Variants in SV2C observed in about 807,000 individuals in gnomAD.
SV2C encodes the protein solute carrier family 22 member B3.
Under a neutral mutation model 79.7 loss-of-function variants are expected in SV2C, and 49 were observed. The ratio of observed to expected loss-of-function variants is 0.61; its 90% CI spans 0.49 to 0.78. SV2C has a LOEUF of 0.78. Among genes scored for constraint, SV2C ranks in the 30% least tolerant of loss-of-function variants. SV2C has a pLI of 0.00. For synonymous variants in SV2C, 334 were observed against 333.2 expected (o/e 1.00, Z -0.03); for missense variants, 833 against 912.9 (o/e 0.91, Z 1.13).
the SV2C span, among the ~76,000 whole-genome samples, chr5:76,077,978 T>C: frequency 6.6e-6 from 1 of 152,166 alleles, no homozygotes; most frequent in Non-Finnish European, 1.5e-5. Context: ...TGCCAAGGAT[T>C]AAGGCAGGAT....
intron 4 of SV2C, among the ~76,000 whole-genome samples, chr5:76,255,889 T>C (rs1207573330): frequency 1.3e-5 from 2 of 152,166 alleles, no homozygotes; most frequent in Non-Finnish European, 1.5e-5. Context: ...TCAGCCCTTC[T>C]GGGGGAAGAG....
At chr5:76,017,257 G>A in the SV2C span, among the ~76,000 whole-genome samples, 1 of 152,052 alleles carries the variant, frequency 6.6e-6, no homozygotes, top group African/African-American at 2.4e-5. Context: ...TAATAATAAT[G>A]GTTTAATTTT....
chr5:76,289,161 G>A (rs1002348652), intron 6 of SV2C, among the ~76,000 whole-genome samples: 1 of 152,176 alleles, frequency 6.6e-6, no homozygotes, highest in African/African-American at 2.4e-5. Flanking sequence ...GGCTGGAATT[G>A]CAGATGTGAG....
chr5:75,991,953 T>G, the SV2C span, among the ~76,000 whole-genome samples: 1 of 151,892 alleles, frequency 6.6e-6, no homozygotes, highest in Admixed American at 6.6e-5. Flanking sequence ...CTCCATTATT[T>G]TTGTTTTGCA....
the SV2C span, among the ~76,000 whole-genome samples, chr5:76,006,834 T>C: frequency 6.6e-6 from 1 of 152,174 alleles, no homozygotes; most frequent in Non-Finnish European, 1.5e-5. Flanking sequence ...TTCAGTCACA[T>C]TAGTCCCTAT....
intron 4 of SV2C, among the ~76,000 whole-genome samples, chr5:76,225,130 T>C (rs1745199320): frequency 1.3e-5 from 2 of 152,192 alleles, no homozygotes; most frequent in African/African-American, 2.4e-5. Flanking sequence ...GAGTAGAGCA[T>C]TAGAAAAATA....
At chr5:75,936,806 A>G in the SV2C span, among the ~76,000 whole-genome samples, 1 of 152,192 alleles carries the variant, frequency 6.6e-6, no homozygotes, top group Non-Finnish European at 1.5e-5. Flanking sequence ...CGGCAAACCC[A>G]ATGGACAGAG....
chr5:76,000,311 G>A, the SV2C span, among the ~76,000 whole-genome samples: 445 of 152,204 alleles, frequency 2.9e-3, 3 homozygotes, highest in African/African-American at 0.01. Flanking sequence ...AAGAAACACA[G>A]AGGGAAGCCT....
At chr5:75,908,768 A>G in the SV2C span, among the ~76,000 whole-genome samples, 3 of 152,092 alleles carry the variant, frequency 2.0e-5, no homozygotes, top group Admixed American at 6.5e-5. Context: ...GACACTGTAG[A>G]TTTATCATTG....
the SV2C span, among the ~76,000 whole-genome samples, chr5:75,864,007 C>T: frequency 1.3e-5 from 2 of 152,144 alleles, no homozygotes; most frequent in Non-Finnish European, 2.9e-5. Context: ...AACTTTGAAT[C>T]TCTCCATTAT....
At chr5:75,872,480 A>T in the SV2C span, among the ~76,000 whole-genome samples, 1 of 152,186 alleles carries the variant, frequency 6.6e-6, no homozygotes, top group Admixed American at 6.5e-5. Flanking sequence ...CAATTTTAAG[A>T]TACAGTATTT....
At chr5:76,322,259 C>T (rs1350447892) in intron 12 of SV2C, among the ~76,000 whole-genome samples, 1 of 152,096 alleles carries the variant, frequency 6.6e-6, no homozygotes, top group Non-Finnish European at 1.5e-5. Flanking sequence ...AAGTGAGAGC[C>T]AACTCATGAG....
the SV2C span, among the ~76,000 whole-genome samples, chr5:75,901,313 C>G: frequency 2.6e-5 from 4 of 152,186 alleles, no homozygotes; most frequent in African/African-American, 9.7e-5. Flanking sequence ...AGACAGGACC[C>G]TGAGCTGCAG....
downstream of SV2C, among the ~76,000 whole-genome samples, chr5:76,336,049 G>T (rs1749314031): frequency 7.0e-6 from 1 of 142,000 alleles, no homozygotes; most frequent in Admixed American, 7.0e-5. Flanking sequence ...CCGGGCGGGG[G>T]GCTGACCCCC....
chr5:75,974,602 A>G, the SV2C span, among the ~76,000 whole-genome samples: 1 of 151,458 alleles, frequency 6.6e-6, no homozygotes, highest in Non-Finnish European at 1.5e-5. Flanking sequence ...ATGAACAGTG[A>G]TGGCATATTG....
At chr5:76,281,551 G>A (rs1006743343) in intron 4 of SV2C, among the ~76,000 whole-genome samples, 1 of 152,216 alleles carries the variant, frequency 6.6e-6, no homozygotes, top group Non-Finnish European at 1.5e-5. Context: ...CTATAAGCAT[G>A]TTGGCTTTAA....
chr5:76,000,434 G>A, the SV2C span, among the ~76,000 whole-genome samples: 1 of 152,040 alleles, frequency 6.6e-6, no homozygotes, highest in African/African-American at 2.4e-5. Flanking sequence ...CCTGCATAAT[G>A]CTGGGCCTGC....
At chr5:76,004,749 C>G in the SV2C span, among the ~76,000 whole-genome samples, 2 of 152,086 alleles carry the variant, frequency 1.3e-5, no homozygotes, top group Admixed American at 6.5e-5. Context: ...GATGACCCCG[C>G]GAATAAACAG....
the SV2C span, among the ~76,000 whole-genome samples, chr5:75,852,375 A>G: frequency 6.6e-6 from 1 of 152,214 alleles, no homozygotes; most frequent in Non-Finnish European, 1.5e-5. Flanking sequence ...ATCAACTGAT[A>G]AGAACAAAGA....
Sources: gnomAD v4.1 joint callset for allele counts (sites outside exome capture counted in the v4.1 genomes callset) on GRCh38, gnomAD v4.1.1 for gene constraint, MANE v1.5 for transcripts, NCBI Gene and HGNC (gene_info 2026-07-23, HGNC 2026-07-21) for gene names.